The following LRRK1 variants were observed in gnomAD, a reference collection of about 807,000 sequenced individuals.
LRRK1 encodes leucine-rich repeat serine/threonine-protein kinase 1.
A neutral mutation model predicts 209.1 loss-of-function variants in LRRK1; 113 were observed. The observed-to-expected ratio is 0.54, with a 90% CI of 0.46 to 0.63. LRRK1 has a LOEUF of 0.63. Ranked by LOEUF, LRRK1 falls within the 30% of genes least tolerant of loss-of-function variation. LRRK1 has a pLI of 0.00. For synonymous variants in LRRK1, 1,144 were observed against 1,099.7 expected (o/e 1.04, Z -0.80); for missense variants, 2,284 against 2,632.2 (o/e 0.87, Z 2.89).
chr15:101,051,484 G>A (rs1183759618), intron 23 of LRRK1, among the ~76,000 whole-genome samples: 2 of 152,164 alleles, frequency 1.3e-5, no homozygotes, highest in Admixed American at 6.5e-5. Flanking sequence ...GACAGTTCTC[G>A]GAAGCATCCT....
Position 101,065,802 on chromosome 15 carries a change from G to T in LRRK1, c.5365G>T (p.Val1789Leu), listed in dbSNP as rs536296948. 2 of 1,613,914 alleles carry T rather than the reference G, an allele frequency of 1.2e-6. No homozygotes were observed. The highest frequency in any genetic ancestry group is 1.7e-6 in the Non-Finnish European group (2 of 1,180,016). The stretch of plus-strand genomic sequence containing the variant: ...CAGCCCCCTCAGGGACATGTTTCCC[G>T]TGCGGCCCTTGGACACGGAACCCCC... ...VPSPLRDMFP[V>L]RPLDTEPPAA... is the part of the protein sequence containing the mutation. Residue 1789 changes from valine to leucine, a missense_variant, in exon 32 of 34, where the codon GTG becomes TTG. Transcript: ENST00000388948.
chr15:101,068,605 G>C, intron 33 of LRRK1, 66 bp from the exon 34 acceptor site: 1 of 1,480,966 alleles, frequency 6.8e-7, no homozygotes, highest in Non-Finnish European at 9.1e-7. Context: ...AGGCACAGGG[G>C]GAGGGTCCCA....
chr15:100,985,779 G>A (rs1010541780), intron 4 of LRRK1, among the ~76,000 whole-genome samples: 1 of 152,230 alleles, frequency 6.6e-6, no homozygotes, highest in Non-Finnish European at 1.5e-5. Flanking sequence ...GACCATTGTG[G>A]TGGGCTTTGC....
intron 1 of LRRK1, among the ~76,000 whole-genome samples, chr15:100,921,501 G>GA (rs1207350557): frequency 6.6e-6 from 1 of 152,152 alleles, no homozygotes; most frequent in Non-Finnish European, 1.5e-5. Flanking sequence ...TAGGTGATAT[G>GA]AATGAGCATG....
At chr15:101,043,610 A>ATGTGTG (rs71456883) in intron 20 of LRRK1, 65,692 of 150,572 alleles carry the variant, frequency 0.44, 14,232 homozygotes, top group East Asian at 0.51. Flanking sequence ...CGTATTTATA[A>ATGTGTG]TGTGTGTGTG....
intron 6 of LRRK1, among the ~76,000 whole-genome samples, chr15:100,992,548 T>C (rs2032201221): frequency 6.6e-6 from 1 of 152,258 alleles, no homozygotes; most frequent in Non-Finnish European, 1.5e-5. Flanking sequence ...CAAGGAACTG[T>C]CAAGGAACTT....
chr15:100,961,993 A>T (rs2030005323), intron 2 of LRRK1, among the ~76,000 whole-genome samples: 1 of 152,206 alleles, frequency 6.6e-6, no homozygotes, highest in Admixed American at 6.5e-5. Context: ...TTTTTGTTCC[A>T]TGAGACTTCC....
chr15:100,999,361 A>G (rs2032582573), intron 6 of LRRK1, among the ~76,000 whole-genome samples: 1 of 152,220 alleles, frequency 6.6e-6, no homozygotes, highest in African/African-American at 2.4e-5. Context: ...TTTGGCATTC[A>G]CTTGCTTAAA....
intron 2 of LRRK1, among the ~76,000 whole-genome samples, chr15:100,961,948 ATTTTATCT>A (rs2030001449): frequency 6.6e-6 from 1 of 152,170 alleles, no homozygotes; most frequent in African/African-American, 2.4e-5. Context: ...AAACCATTTT[ATTTTATCT>A]TTCAAAATCT....
intron 21 of LRRK1, among the ~76,000 whole-genome samples, chr15:101,047,415 C>T (rs775121029): frequency 5.3e-5 from 8 of 152,194 alleles, no homozygotes; most frequent in Non-Finnish European, 7.3e-5. Context: ...CTCTGTGTGC[C>T]GCTGTCTTCT....
In LRRK1 at chr15:101,010,511, C is replaced by T. The variant is rs763873193; in HGVS notation, c.1051C>T (p.Leu351Phe). Reference protein sequence around the residue: ...LSHLPPGFLHLSKLQKLTASK... With the variant: ...LSHLPPGFLHFSKLQKLTASK... ...CCACCTCCCTCCTGGATTCTTGCAC[C>T]TCTCAAAACTTCAAAAACTGACAGC... is the stretch of plus-strand genomic sequence containing the variant. Residue 351 changes from leucine (L) to phenylalanine (F), a missense_variant, in exon 8 of 34, where the codon CTC becomes TTC. This residue lies in a region of LRRK1 where 494 missense variants were observed against 522.1 expected (regional missense o/e 0.95). Transcript: ENST00000388948. 8.7e-6 allele frequency: 14 copies of T among 1,612,154 alleles called. No individual in the cohort carries two copies. The South Asian group carries it at 1.4e-4, about 17-fold the overall frequency.
intron 9 of LRRK1, 81 bp from the exon 10 acceptor site, chr15:101,011,927 A>C: frequency 5.0e-6 from 5 of 1,009,982 alleles, no homozygotes; most frequent in Non-Finnish European, 7.4e-6. Context: ...TTTTAACATC[A>C]AATTTGGAAA....
chr15:101,049,610 T>A, intron 22 of LRRK1, 34 bp from the exon 23 acceptor site: 1 of 1,606,380 alleles, frequency 6.2e-7, no homozygotes, highest in Non-Finnish European at 8.5e-7. Context: ...CAGAGCCAGA[T>A]CGCAATGGGC....
intron 2 of LRRK1, among the ~76,000 whole-genome samples, chr15:100,938,123 T>G (rs1294863486): frequency 1.3e-5 from 2 of 151,318 alleles, no homozygotes; most frequent in Non-Finnish European, 3.0e-5. Flanking sequence ...CCTCCCAAGG[T>G]GCTGGGATTA....
chr15:100,991,505 C>T (rs539621889), intron 6 of LRRK1, among the ~76,000 whole-genome samples: 1 of 152,108 alleles, frequency 6.6e-6, no homozygotes, highest in African/African-American at 2.4e-5. Context: ...AACTCTTTTC[C>T]ATTTCTATTC....
rs200606953 is a variant in LRRK1, at chr15:101,053,008, G to C, written c.3776G>C (p.Arg1259Pro). The change falls in exon 25 of 34, where the codon CGG (arginine) becomes CCG (proline). Residue 1259 changes from arginine to proline, a missense_variant. Arg to Pro is a moderately radical substitution (Grantham distance 103, BLOSUM62 -2). Transcript: ENST00000388948. ...GQGGSGTVIYRARYQGQPVAV... is the reference protein window; with the variant it reads ...GQGGSGTVIYPARYQGQPVAV... ...GGCGGCAGTGGCACCGTCATCTACC[G>C]GGCCCGGTACCAGGGCCAGCCTGTG... 6.2e-7 allele frequency: 1 copy of C among 1,613,072 alleles called. No homozygotes were observed. Among genetic ancestry groups the C allele is most frequent in the African/African-American group, 1.3e-5 (1 of 75,040 alleles).
intron 1 of LRRK1, among the ~76,000 whole-genome samples, chr15:100,921,428 C>T (rs906062382): frequency 6.6e-6 from 1 of 152,218 alleles, no homozygotes; most frequent in Non-Finnish European, 1.5e-5. Context: ...GCAAATAGCA[C>T]TCAAGAGATT....
intron 2 of LRRK1, among the ~76,000 whole-genome samples, chr15:100,933,770 T>G (rs961348150): frequency 8.1e-6 from 1 of 124,144 alleles, no homozygotes; most frequent in African/African-American, 3.2e-5. Flanking sequence ...TGCAGTGAGC[T>G]GAGATCACAC....
intron 4 of LRRK1, among the ~76,000 whole-genome samples, chr15:100,987,944 C>T (rs536223921): frequency 3.8e-4 from 58 of 152,258 alleles, no homozygotes; most frequent in African/African-American, 1.3e-3. Context: ...TTCCACACAC[C>T]CATTTTTTAT....
Sources: allele counts gnomAD v4.1 joint callset (sites outside exome capture counted in the v4.1 genomes callset), GRCh38; gene constraint gnomAD v4.1.1; regional missense constraint gnomAD v4.1.1; transcripts MANE v1.5; gene names NCBI Gene and HGNC (gene_info 2026-07-23, HGNC 2026-07-21).